Variants in COG4 observed in about 807,000 individuals in gnomAD.
COG4 encodes the protein component of oligomeric golgi complex 4.
A neutral mutation model predicts 95.1 loss-of-function variants in COG4; 65 were observed. The ratio of observed to expected loss-of-function variants is 0.68; its 90% CI spans 0.56 to 0.84. The LOEUF is 0.84. Ranked by LOEUF, COG4 falls within the 40% of genes least tolerant of loss-of-function variation. The probability of loss-of-function intolerance (pLI) is 0.00; values close to 1 mark genes in which losing one functional copy is unlikely to be tolerated. For missense variants in COG4, 1,045 were observed against 989.1 expected, an observed-to-expected ratio of 1.06 and a Z score of -0.76; for synonymous variants, 421 against 374.8, an observed-to-expected ratio of 1.12 and a Z score of -1.42.
At chr16:70,490,473 G>A (rs2049221982) in intron 12 of COG4, 81 bp from the exon 13 acceptor site, 1 of 1,167,556 alleles carries the variant, frequency 8.6e-7, no homozygotes, top group African/African-American at 1.5e-5. Context: ...GCTGACAGCT[G>A]TGCTCCATGA....
At chr16:70,500,058 C>T (rs2049416738) in intron 9 of COG4, among the ~76,000 whole-genome samples, 1 of 151,686 alleles carries the variant, frequency 6.6e-6, no homozygotes, top group Non-Finnish European at 1.5e-5. Context: ...TGGTCTCAAA[C>T]TCCTGGGCTC....
chr16:70,501,187 T>C (rs759890674), intron 8 of COG4, 96 bp from the exon 9 acceptor site: 8 of 1,409,870 alleles, frequency 5.7e-6, no homozygotes, highest in African/African-American at 2.8e-5. Context: ...CCCTCCCCAC[T>C]GGGCCCATAA....
rs368014374 is a variant in COG4 at position 70,481,110 on chromosome 16, G to A, written c.2270C>T (p.Ser757Phe). Residue 757 changes from serine to phenylalanine, a missense_variant, in exon 19 of 19, where the codon TCC (serine) becomes TTC (phenylalanine). Transcript: ENST00000323786. ...GGTGAGGCGCCACGTCAATGGGCCGGAATTGGGTCCCCAGTAATCGAGGAT... is the reference window on the plus strand; with the variant it reads ...GGTGAGGCGCCACGTCAATGGGCCGAAATTGGGTCCCCAGTAATCGAGGAT... ...TEILDYWGPN[S>F]GPLTWRLTPA... The A allele has an allele frequency of 2.5e-6, 4 of 1,613,468 alleles. No homozygotes were observed. Among genetic ancestry groups the A allele is most frequent in the South Asian group, 2.2e-5 (2 of 91,088 alleles).
chr16:70,481,994 T>G, intron 16 of COG4, 98 bp downstream of exon 16: 1 of 1,359,610 alleles, frequency 7.4e-7, no homozygotes. Flanking sequence ...TGGAAGGGCT[T>G]TCAGGGTCCC....
rs772831502 is a variant in COG4 at position 70,491,824 on chromosome 16, CAAAAAAAAAAAA to C, written c.1648-1444_1648-1433del. Among the ~76,000 whole-genome samples the C allele has an allele frequency of 1.3e-3, 79 of 59,350 alleles. 1 individual carries two copies. The highest frequency in any genetic ancestry group is 2.3e-3 in the Non-Finnish European group (55 of 23,950). 38.9% of individuals were successfully genotyped at this position (59,350 alleles called of 152,430 possible). A position where few individuals can be genotyped will look rare whatever the true frequency, so the allele number is the denominator to read the frequency against. ...CGGTGACAAGAACAAAACTACGTCT[CAAAAAAAAAAAA>C]AAAAAAAAAAAGTAAAATGATTCAC... On this transcript the variant is annotated intron_variant, in intron 12 of 18. Transcript: ENST00000323786.
intron 7 of COG4, 35 bp from the exon 8 acceptor site, chr16:70,508,499 C>T: frequency 6.3e-7 from 1 of 1,584,554 alleles, no homozygotes; most frequent in Non-Finnish European, 8.7e-7. Flanking sequence ...ATATTCTTCC[C>T]CACCCCCACA....
intron 12 of COG4, among the ~76,000 whole-genome samples, chr16:70,494,743 TA>T (rs142938353): frequency 3.3e-5 from 5 of 152,058 alleles, no homozygotes; most frequent in African/African-American, 7.2e-5. Flanking sequence ...GTAAGTTCTG[TA>T]AAAAAAATCA....
chr16:70,495,172 C>T (rs2049315181), intron 12 of COG4, among the ~76,000 whole-genome samples: 1 of 150,618 alleles, frequency 6.6e-6, no homozygotes, highest in Non-Finnish European at 1.5e-5. Context: ...GGGTGGATCA[C>T]TTGAGGTCAG....
intron 3 of COG4, among the ~76,000 whole-genome samples, chr16:70,515,149 G>A (rs1213782315): frequency 1.3e-5 from 2 of 151,796 alleles, no homozygotes; most frequent in Non-Finnish European, 2.9e-5. Context: ...CCAAATACCT[G>A]GGATTACATG....
intron 17 of COG4, 91 bp downstream of exon 17, chr16:70,481,673 C>G: frequency 8.1e-6 from 11 of 1,360,938 alleles, no homozygotes; most frequent in Middle Eastern, 1.8e-4. Flanking sequence ...GGGCAGCAGA[C>G]AGAGGGGATG....
chr16:70,521,311 G>C (rs1342246883), intron 1 of COG4, among the ~76,000 whole-genome samples: 1 of 151,950 alleles, frequency 6.6e-6, no homozygotes, highest in Non-Finnish European at 1.5e-5. Flanking sequence ...CCCTGCCCTG[G>C]GGTTCAAGCG....
chr16:70,505,069 T>C (rs938266860), intron 8 of COG4, among the ~76,000 whole-genome samples: 3 of 152,168 alleles, frequency 2.0e-5, no homozygotes, highest in Non-Finnish European at 4.4e-5. Context: ...TTATAGACCA[T>C]AGATGCCACG....
rs1357755279 is a variant in COG4 at position 70,483,948 on chromosome 16, T to C, written c.1732A>G (p.Ser578Gly). Residue 578 changes from serine (S) to glycine (G), a missense_variant, in exon 14 of 19, where the codon AGC (serine) becomes GGC (glycine). Coordinates refer to ENST00000323786, the MANE Select transcript of COG4 (RefSeq NM_015386.3). The part of the protein sequence containing the change: ...TLESDCTKLF[S>G]QGIGGEQAQA... Reference sequence around the variant, plus strand: ...GCCTGCTCCCCTCCAATGCCCTGGCTGAAGAGCTTGGTGCAGTCACTCTAG... The same window carrying C: ...GCCTGCTCCCCTCCAATGCCCTGGCCGAAGAGCTTGGTGCAGTCACTCTAG... 5 of 1,612,666 alleles carry C rather than the reference T, an allele frequency of 3.1e-6. No individual in the cohort carries two copies. Among genetic ancestry groups the C allele is most frequent in the Non-Finnish European group, 4.2e-6 (5 of 1,179,896 alleles).
intron 8 of COG4, among the ~76,000 whole-genome samples, chr16:70,506,490 G>A: frequency 6.6e-6 from 1 of 150,420 alleles, no homozygotes; most frequent in Non-Finnish European, 1.5e-5. Context: ...TACTTGGGAG[G>A]CTGAGGCAGG....
At chr16:70,514,590 T>A (rs2049784905) in intron 3 of COG4, 81 bp from the exon 4 acceptor site, 1 of 1,210,248 alleles carries the variant, frequency 8.3e-7, no homozygotes, top group Non-Finnish European at 1.2e-6. Flanking sequence ...ATTCAGGAGC[T>A]GAATCTGATC....
At chr16:70,496,152 TA>T in intron 12 of COG4, 113 bp downstream of exon 12, 1 of 1,087,800 alleles carries the variant, frequency 9.2e-7, no homozygotes, top group Non-Finnish European at 1.4e-6. Flanking sequence ...TTTCCTTCTA[TA>T]TAGACACTGG....
At chr16:70,519,514 C>T (rs2049891326) in intron 2 of COG4, 135 bp downstream of exon 2, 1 of 712,170 alleles carries the variant, frequency 1.4e-6, no homozygotes, top group Non-Finnish European at 2.5e-6. Context: ...CTTAGGTGTT[C>T]ACTTTATCTT....
At chr16:70,508,508 C>T in intron 7 of COG4, 44 bp from the exon 8 acceptor site, 1 of 1,539,166 alleles carries the variant, frequency 6.5e-7, no homozygotes, top group Non-Finnish European at 9.0e-7. Context: ...CCCACCCCCA[C>T]ATCTATTGGC....
chr16:70,485,277 C>T (rs1441158441), intron 13 of COG4, among the ~76,000 whole-genome samples: 1 of 149,920 alleles, frequency 6.7e-6, no homozygotes, highest in Non-Finnish European at 1.5e-5. Flanking sequence ...GATCTCGGCT[C>T]ACTGCAACCT....
Sources: gnomAD v4.1 joint callset for allele counts (sites outside exome capture counted in the v4.1 genomes callset) on GRCh38, gnomAD v4.1.1 for gene constraint, MANE v1.5 for transcripts, NCBI Gene and HGNC (gene_info 2026-07-23, HGNC 2026-07-21) for gene names.